GARIN4: variants seen among roughly 807,000 people sequenced by gnomAD.
GARIN4 encodes the protein Golgi-associated RAB2 interactor protein 4.
chr1:212,625,510 A>G, the GARIN4 span: 4 of 1,614,178 alleles, frequency 2.5e-6, no homozygotes, highest in South Asian at 1.1e-5. Flanking sequence ...TGAACCTTCA[A>G]GGAAAGGGGG....
the GARIN4 span, chr1:212,625,600 G>C: frequency 6.2e-7 from 1 of 1,614,192 alleles, no homozygotes; most frequent in Non-Finnish European, 8.5e-7. Flanking sequence ...ATGCTGGAGG[G>C]GAGGGACTCC....
the GARIN4 span, chr1:212,624,659 G>C: frequency 1.3e-6 from 1 of 753,734 alleles, no homozygotes; most frequent in Non-Finnish European, 2.0e-6. Context: ...GCACCCTACA[G>C]CACCCCCCAC....
At chr1:212,625,439 C>A in the GARIN4 span, 4 of 1,614,170 alleles carry the variant, frequency 2.5e-6, no homozygotes, top group Admixed American at 6.7e-5. Context: ...CTGTGGCATT[C>A]CAGCTGAAGA....
chr1:212,624,816 C>T, the GARIN4 span: 24 of 1,470,392 alleles, frequency 1.6e-5, 1 homozygote, highest in South Asian at 1.4e-4. Flanking sequence ...CATCTGCCAC[C>T]GAGGCCAAGG....
the GARIN4 span, chr1:212,625,206 G>A: frequency 9.3e-6 from 15 of 1,613,920 alleles, no homozygotes; most frequent in South Asian, 9.9e-5. Context: ...AGAAAAAAAC[G>A]CAAGGCAGCA....
chr1:212,626,576 G>C, the GARIN4 span: 1 of 1,614,128 alleles, frequency 6.2e-7, no homozygotes, highest in Admixed American at 1.7e-5. Context: ...GGCCATCGCC[G>C]AGACAGCAGA....
the GARIN4 span, chr1:212,626,074 G>C: frequency 5.0e-6 from 8 of 1,614,194 alleles, no homozygotes; most frequent in African/African-American, 1.3e-5. Flanking sequence ...CCACCCGGCA[G>C]AGCAAGAGCA....
At chr1:212,624,968 C>T in the GARIN4 span, 11 of 1,614,132 alleles carry the variant, frequency 6.8e-6, no homozygotes, top group Admixed American at 1.7e-4. Context: ...ACTGCAGCGA[C>T]AACTGTACAA....
the GARIN4 span, chr1:212,625,100 C>A: frequency 5.0e-6 from 8 of 1,614,000 alleles, no homozygotes; most frequent in East Asian, 1.8e-4. Context: ...GGGCATTGCA[C>A]GTACCAGCCC....
the GARIN4 span, chr1:212,626,473 C>A: frequency 5.6e-6 from 9 of 1,614,088 alleles, no homozygotes; most frequent in Non-Finnish European, 5.9e-6. Context: ...TCCTGAGGAA[C>A]GTCAGAGCCA....
the GARIN4 span, chr1:212,625,750 C>T: frequency 4.6e-5 from 75 of 1,613,768 alleles, no homozygotes; most frequent in Non-Finnish European, 6.0e-5. Flanking sequence ...CAACAGGCAC[C>T]GTAGCAGGTG....
the GARIN4 span, chr1:212,624,991 T>C: frequency 1.2e-6 from 2 of 1,614,160 alleles, no homozygotes; most frequent in South Asian, 1.1e-5. Context: ...GGGAGTACGA[T>C]ATATTCAAGT....
At chr1:212,626,755 T>C in the GARIN4 span, 2 of 1,491,276 alleles carry the variant, frequency 1.3e-6, no homozygotes, top group Admixed American at 2.3e-5. Context: ...GCCGTTTAAA[T>C]AAAGAATCAT....
At chr1:212,624,743 G>C in the GARIN4 span, 1 of 1,421,438 alleles carries the variant, frequency 7.0e-7, no homozygotes, top group African/African-American at 1.4e-5. Flanking sequence ...CCTGTGGGGT[G>C]GGGTGGGATT....
the GARIN4 span, chr1:212,625,319 T>C: frequency 6.2e-7 from 1 of 1,614,278 alleles, no homozygotes; most frequent in South Asian, 1.1e-5. Context: ...CACTGGCAGA[T>C]CTTGCTATCT....
chr1:212,625,150 G>T, the GARIN4 span: 1 of 1,613,974 alleles, frequency 6.2e-7, no homozygotes, highest in African/African-American at 1.3e-5. Context: ...TGGCACGACC[G>T]GCCACCGGCT....
chr1:212,625,370 G>C, the GARIN4 span: 1 of 1,614,234 alleles, frequency 6.2e-7, no homozygotes, highest in Middle Eastern at 1.6e-4. Context: ...TGACCTCTTT[G>C]CCTATTGGGA....
chr1:212,625,140 T>C, the GARIN4 span: 1 of 1,614,132 alleles, frequency 6.2e-7, no homozygotes, highest in Non-Finnish European at 8.5e-7. Context: ...GTCATGCTAC[T>C]GGCACGACCG....
At chr1:212,624,977 A>C in the GARIN4 span, 1 of 1,614,172 alleles carries the variant, frequency 6.2e-7, no homozygotes, top group East Asian at 2.2e-5. Context: ...ACAACTGTAC[A>C]AGGGGGAGTA....
Sources: gnomAD v4.1 joint callset for allele counts on GRCh38, gnomAD v4.1.1 for gene constraint, MANE v1.5 for transcripts, NCBI Gene and HGNC (gene_info 2026-07-23, HGNC 2026-07-21) for gene names.